NEDD4L: variants seen among roughly 807,000 people sequenced by gnomAD.
NEDD4L encodes the protein E3 ubiquitin-protein ligase NEDD4-like.
Under a neutral mutation model 148.9 loss-of-function variants are expected in NEDD4L, and 54 were observed. The ratio of observed to expected loss-of-function variants is 0.36; its 90% CI spans 0.29 to 0.45. The LOEUF (loss-of-function observed/expected upper bound fraction) is 0.45. Ranked by LOEUF, NEDD4L falls within the 20% of genes least tolerant of loss-of-function variation. The probability of loss-of-function intolerance (pLI) is 1.00; values close to 1 mark genes in which losing one functional copy is unlikely to be tolerated. For synonymous variants in NEDD4L, 433 were observed against 440.7 expected, an observed-to-expected ratio of 0.98 and a Z score of 0.22; for missense variants, 856 against 1,233.8, an observed-to-expected ratio of 0.69 and a Z score of 4.59.
At chr18:58,066,141 C>T (rs1292193230) in intron 1 of NEDD4L, among the ~76,000 whole-genome samples, 1 of 152,144 alleles carries the variant, frequency 6.6e-6, no homozygotes, top group Non-Finnish European at 1.5e-5. Context: ...CATTTTTCTC[C>T]CCTAGTAGTC....
rs140518074 is a variant in NEDD4L, at chr18:58,161,941, A to T, written c.49-3847A>T. On this transcript the variant is annotated intron_variant, in intron 1 of 30. Coordinates refer to ENST00000400345, the MANE Select transcript of NEDD4L (RefSeq NM_001144967.3). ...AACTACAAGGAAGACTGGGAAATGT[A>T]GTCAAGTTGCATGTCCGGGTAGAAA... 7.7e-4 allele frequency among the ~76,000 whole-genome samples: 117 copies of T among 152,342 alleles called. No homozygotes were observed. The East Asian group carries it at 0.017, about 22-fold the overall frequency.
At chr18:58,396,126 C>A in intron 30 of NEDD4L, 41 bp from the exon 31 acceptor site, 1 of 1,316,484 alleles carries the variant, frequency 7.6e-7, no homozygotes, top group South Asian at 1.2e-5. Flanking sequence ...CGAGGAAGTG[C>A]TGTTGTGGCT....
chr18:58,068,208 G>C (rs180973254), intron 1 of NEDD4L, among the ~76,000 whole-genome samples: 6 of 38,388 alleles, frequency 1.6e-4, no homozygotes, highest in African/African-American at 8.2e-4. Context: ...TTTTTTTTTT[G>C]TTTTGTTTTG....
rs78009649 is a variant in NEDD4L, at chr18:58,211,222, G to C, written c.123-34205G>C. 6.4e-3 allele frequency among the ~76,000 whole-genome samples: 972 copies of C among 152,258 alleles called. 4 individuals carry two copies. Among genetic ancestry groups the C allele is most frequent in the African/African-American group, 0.023 (944 of 41,534 alleles). On this transcript the variant is annotated intron_variant, in intron 2 of 30. Transcript: ENST00000400345. Reference sequence around the variant, plus strand: ...AGAAGAATCTTACATTTTACAATTAGTATTTAATATTATCTTAGAGGTTCT... The same window carrying C: ...AGAAGAATCTTACATTTTACAATTACTATTTAATATTATCTTAGAGGTTCT...
intron 30 of NEDD4L, among the ~76,000 whole-genome samples, chr18:58,395,010 C>T (rs1350621861): frequency 1.3e-5 from 2 of 152,156 alleles, no homozygotes; most frequent in African/African-American, 4.8e-5. Context: ...CCCCGTGTGA[C>T]CTTGGGCAAG....
chr18:58,146,614 A>G (rs1261859296), intron 1 of NEDD4L, among the ~76,000 whole-genome samples: 1 of 152,156 alleles, frequency 6.6e-6, no homozygotes, highest in Non-Finnish European at 1.5e-5. Flanking sequence ...GCCTCCTGGA[A>G]GCTGTGCTGT....
intron 24 of NEDD4L, among the ~76,000 whole-genome samples, chr18:58,378,127 A>G (rs1018586048): frequency 1.3e-5 from 2 of 152,174 alleles, no homozygotes; most frequent in Admixed American, 6.5e-5. Flanking sequence ...GCAGCCATAT[A>G]GGAAGGTTCT....
chr18:58,242,946 A>T (rs921485639), intron 2 of NEDD4L, among the ~76,000 whole-genome samples: 1 of 152,144 alleles, frequency 6.6e-6, no homozygotes, highest in Non-Finnish European at 1.5e-5. Flanking sequence ...CTTAGTACCT[A>T]CCTGGATGAG....
rs999161443 is a variant in NEDD4L at position 58,058,035 on chromosome 18, C to T, written c.48+13327C>T. ...TAAAAAATGGTGGTAAGGCCGGCCG[C>T]GGTGGCTCACGCCTGTAATCCCAGC... On this transcript the variant is annotated intron_variant, in intron 1 of 30. Coordinates refer to ENST00000400345, the MANE Select transcript of NEDD4L (RefSeq NM_001144967.3). Among the ~76,000 whole-genome samples the T allele has an allele frequency of 5.9e-5, 9 of 152,298 alleles. No homozygotes were observed. The South Asian group carries it at 1.0e-3, about 18-fold the overall frequency.
At chr18:58,354,075 C>T (rs2044269364) in intron 18 of NEDD4L, among the ~76,000 whole-genome samples, 1 of 152,212 alleles carries the variant, frequency 6.6e-6, no homozygotes, top group African/African-American at 2.4e-5. Flanking sequence ...AGACTAACCT[C>T]TTTAGACTCC....
chr18:58,092,514 T>G lies in NEDD4L; in HGVS notation c.48+47806T>G, dbSNP rs77117342. Among the ~76,000 whole-genome samples, 486 of 152,180 alleles carry G rather than the reference T, an allele frequency of 3.2e-3. 1 individual carries two copies. Among genetic ancestry groups the G allele is most frequent in the Middle Eastern group, 0.01 (3 of 294 alleles). The stretch of plus-strand genomic sequence containing the variant: ...GGGAAGGAGCACTAGGCAGGGCATT[T>G]CTGATGAGACTTTGATTTGGGAGGT... On this transcript the variant is annotated intron_variant, in intron 1 of 30. Transcript: ENST00000400345.
chr18:58,060,237 C>T (rs2082270226), intron 1 of NEDD4L, among the ~76,000 whole-genome samples: 1 of 152,120 alleles, frequency 6.6e-6, no homozygotes, highest in Non-Finnish European at 1.5e-5. Context: ...TTGTGGACCT[C>T]ATCAAGGAGC....
At chr18:58,127,862 A>G (rs990662931) in intron 1 of NEDD4L, among the ~76,000 whole-genome samples, 21 of 150,792 alleles carry the variant, frequency 1.4e-4, no homozygotes, top group African/African-American at 4.9e-4. Context: ...AAAAAAAAGA[A>G]TCAACATTTA....
chr18:58,160,895 A>G (rs2036120550), intron 1 of NEDD4L, among the ~76,000 whole-genome samples: 2 of 152,310 alleles, frequency 1.3e-5, no homozygotes, highest in East Asian at 3.8e-4. Context: ...TTGCTCAGTA[A>G]AGGTCACCTC....
In NEDD4L at chr18:58,268,513, ATT is replaced by A. The variant is rs1171105583; in HGVS notation, c.297+16463_297+16464del. Among the ~76,000 whole-genome samples, 16 of 151,938 alleles carry A rather than the reference ATT, an allele frequency of 1.1e-4. 1 individual carries two copies. The highest frequency in any genetic ancestry group is 3.2e-3 in the Middle Eastern group (1 of 316). On this transcript the variant is annotated intron_variant, in intron 5 of 30. Coordinates refer to ENST00000400345, the MANE Select transcript of NEDD4L (RefSeq NM_001144967.3). ...AAAGAGGTATATTTTGGGGTGAAATATTTTTATTCCCTTCACCCCTAGTTTAT... is the reference window on the plus strand; with the variant it reads ...AAAGAGGTATATTTTGGGGTGAAATATTTATTCCCTTCACCCCTAGTTTAT...
chr18:58,067,364 G>T (rs2082651464), intron 1 of NEDD4L, among the ~76,000 whole-genome samples: 1 of 152,194 alleles, frequency 6.6e-6, no homozygotes, highest in African/African-American at 2.4e-5. Context: ...AAAAGCAAAA[G>T]AAATGATTTA....
At chr18:58,379,314 C>G (rs543987090) in intron 24 of NEDD4L, among the ~76,000 whole-genome samples, 1 of 152,352 alleles carries the variant, frequency 6.6e-6, no homozygotes, top group South Asian at 2.1e-4. Flanking sequence ...GCCGCAGCAC[C>G]TATAGGAGAT....
chr18:58,066,340 AT>A (rs1350714628), intron 1 of NEDD4L, among the ~76,000 whole-genome samples: 1 of 94,638 alleles, frequency 1.1e-5, no homozygotes, highest in Non-Finnish European at 2.1e-5. Flanking sequence ...TTGTTTGGGA[AT>A]TGGGTTTATT....
At chr18:58,217,971 T>A (rs2043327016) in intron 2 of NEDD4L, among the ~76,000 whole-genome samples, 1 of 152,232 alleles carries the variant, frequency 6.6e-6, no homozygotes, top group Non-Finnish European at 1.5e-5. Context: ...TCATGATGAC[T>A]TTTTAGAGGA....
Sources: gnomAD v4.1 joint callset for allele counts (sites outside exome capture counted in the v4.1 genomes callset) on GRCh38, gnomAD v4.1.1 for gene constraint, MANE v1.5 for transcripts, NCBI Gene and HGNC (gene_info 2026-07-23, HGNC 2026-07-21) for gene names.